The following LAMC1 variants were observed in gnomAD, a reference collection of about 807,000 sequenced individuals.
The protein encoded by LAMC1 is laminin subunit gamma-1.
Under a neutral mutation model 173.6 loss-of-function variants are expected in LAMC1, and 38 were observed. That is an observed-to-expected ratio of 0.22 (90% confidence interval 0.17 to 0.29). The LOEUF (loss-of-function observed/expected upper bound fraction) is 0.29, where lower values mean the gene tolerates loss of function less well. Ranked by LOEUF, LAMC1 falls within the 10% of genes least tolerant of loss-of-function variation. LAMC1 has a pLI of 1.00. For missense variants in LAMC1, 1,824 were observed against 2,051.8 expected (o/e 0.89, Z 2.14); for synonymous variants, 746 against 749.1 (o/e 1.00, Z 0.07).
At position 183,124,697 on chromosome 1, in the gene LAMC1, G is replaced by T; in HGVS notation, c.2468G>T (p.Arg823Ile). Residue 823 changes from arginine (R) to isoleucine (I), a missense_variant, in exon 14 of 28, where the codon AGA becomes ATA. Arg to Ile is a moderately conservative substitution (Grantham distance 97). Coordinates refer to ENST00000258341, the MANE Select transcript of LAMC1 (RefSeq NM_002293.4). Reference sequence around the variant, plus strand: ...CCCCTGGGTAGAAACGGCCCTGTGAGACTTTGCCGCCTGTGCCAGTGCAGT... The same window carrying T: ...CCCCTGGGTAGAAACGGCCCTGTGATACTTTGCCGCCTGTGCCAGTGCAGT... The part of the protein sequence containing the change: ...GDPLGRNGPV[R>I]LCRLCQCSDN... 1 of 1,614,240 alleles carries T rather than the reference G, an allele frequency of 6.2e-7. No individual in the cohort carries two copies. The highest frequency in any genetic ancestry group is 8.5e-7 in the Non-Finnish European group (1 of 1,180,050).
At position 183,054,895 on chromosome 1, in the gene LAMC1, C is replaced by T. The variant is rs1478211114; in HGVS notation, c.418+30761C>T. ...GAGCAGGCCAGGAAGCCAGTGGTTC[C>T]TCATGGTATCAGGATTCCTTGTTCT... On this transcript the variant is annotated intron_variant, in intron 1 of 27. Transcript: ENST00000258341. Among the ~76,000 whole-genome samples, 3 of 152,100 alleles carry T rather than the reference C, an allele frequency of 2.0e-5. No homozygotes were observed. In the East Asian group the frequency reaches 5.8e-4, roughly 29 times the overall value.
intron 1 of LAMC1, among the ~76,000 whole-genome samples, chr1:183,030,322 G>GT (rs896104677): frequency 1.3e-5 from 2 of 152,294 alleles, no homozygotes; most frequent in Admixed American, 1.3e-4. Context: ...ATGTTATATA[G>GT]TAAGTCCTAA....
intron 16 of LAMC1, 24 bp downstream of exon 16, chr1:183,126,286 A>G (rs1251226832): frequency 3.7e-6 from 6 of 1,607,064 alleles, no homozygotes; most frequent in Non-Finnish European, 3.4e-6. Context: ...GTGGCATACA[A>G]CTCTAAGCTT....
intron 2 of LAMC1, among the ~76,000 whole-genome samples, chr1:183,104,797 CT>C (rs1356105834): frequency 6.6e-6 from 1 of 152,144 alleles, no homozygotes; most frequent in Non-Finnish European, 1.5e-5. Flanking sequence ...TGTTGGTAAA[CT>C]CTGAGGTTAT....
At chr1:183,075,273 C>T (rs149135227) in intron 1 of LAMC1, among the ~76,000 whole-genome samples, 60 of 151,980 alleles carry the variant, frequency 3.9e-4, no homozygotes, top group African/African-American at 1.4e-3. Context: ...TGCTGGTGTG[C>T]GCCACCACAC....
At chr1:183,024,156 C>G (rs1324362382) in intron 1 of LAMC1, 22 bp downstream of exon 1, 5 of 1,525,882 alleles carry the variant, frequency 3.3e-6, no homozygotes, top group South Asian at 2.5e-5. Flanking sequence ...CAGCCCCGTC[C>G]CCTGCTACTG....
Position 183,143,975 on chromosome 1 carries a change from A to G in LAMC1, c.*1185A>G, listed in dbSNP as rs958088895. The G allele has an allele frequency of 2.0e-5, 3 of 152,288 alleles. No homozygotes were observed. The highest frequency in any genetic ancestry group is 1.3e-4 in the Admixed American group (2 of 15,272). The allele number at this position is 152,288 out of a possible 1,614,324, so 9.4% of individuals were successfully genotyped here. A position where few individuals can be genotyped will look rare whatever the true frequency, so the allele number is the denominator to read the frequency against. ...CACTCAGTATTTCACACAGCTGCCA[A>G]CGCTATCGAGTTCCTGCACTTTGTG... On this transcript the variant is annotated 3_prime_UTR_variant, in exon 28 of 28. Coordinates refer to ENST00000258341, the MANE Select transcript of LAMC1 (RefSeq NM_002293.4).
chr1:183,116,817 C>T lies in LAMC1; in HGVS notation c.1478C>T (p.Thr493Ile), dbSNP rs1248796606. ...GAATCATCTAATCCTCGGGGTTGCA[C>T]ACCCTGCTTCTGCTTTGGGCATTCT... ...NLESSNPRGC[T>I]PCFCFGHSSV... is the part of the protein sequence containing the mutation. The change falls in exon 8 of 28, where the codon ACA becomes ATA. Residue 493 changes from threonine to isoleucine, a missense_variant. Transcript: ENST00000258341. 7.4e-6 allele frequency: 12 copies of T among 1,613,872 alleles called. No individual in the cohort carries two copies. The South Asian group carries it at 1.2e-4, about 16-fold the overall frequency.
At chr1:183,124,069 G>A (rs554608428) in intron 13 of LAMC1, among the ~76,000 whole-genome samples, 12 of 152,284 alleles carry the variant, frequency 7.9e-5, no homozygotes, top group Middle Eastern at 3.4e-3. Context: ...TATCCTCTCT[G>A]TTCTCTGAGC....
intron 1 of LAMC1, among the ~76,000 whole-genome samples, chr1:183,030,638 A>T (rs570282518): frequency 3.3e-4 from 51 of 152,258 alleles, no homozygotes; most frequent in African/African-American, 7.2e-4. Context: ...TAAATTTTTT[A>T]AAAAAGTACT....
intron 20 of LAMC1, 96 bp downstream of exon 20, chr1:183,131,474 A>G (rs1656790747): frequency 1.1e-5 from 5 of 439,500 alleles, no homozygotes; most frequent in South Asian, 9.8e-5. Flanking sequence ...GTCTTATCCC[A>G]TAACCCATAA....
At chr1:183,091,514 C>G (rs1655565628) in intron 1 of LAMC1, among the ~76,000 whole-genome samples, 1 of 152,130 alleles carries the variant, frequency 6.6e-6, no homozygotes, top group African/African-American at 2.4e-5. Context: ...TCCTTCCCCT[C>G]CCTCTCTAAT....
intron 1 of LAMC1, among the ~76,000 whole-genome samples, chr1:183,030,877 T>C (rs1653832005): frequency 1.3e-5 from 2 of 152,138 alleles, no homozygotes; most frequent in African/African-American, 2.4e-5. Flanking sequence ...TTCAGCTACT[T>C]GGGAGGCTGA....
At chr1:183,106,432 T>C (rs1655980517) in intron 2 of LAMC1, among the ~76,000 whole-genome samples, 1 of 152,222 alleles carries the variant, frequency 6.6e-6, no homozygotes, top group Admixed American at 6.5e-5. Flanking sequence ...ACTTGAAGGC[T>C]TTGTGGAGAT....
chr1:183,042,808 C>A (rs1654171770), intron 1 of LAMC1, among the ~76,000 whole-genome samples: 2 of 152,126 alleles, frequency 1.3e-5, no homozygotes, highest in Non-Finnish European at 2.9e-5. Flanking sequence ...CACCCCCAGC[C>A]CTCTCCTGGC....
At chr1:183,102,175 CAG>C (rs941890978) in intron 1 of LAMC1, among the ~76,000 whole-genome samples, 1 of 152,126 alleles carries the variant, frequency 6.6e-6, no homozygotes, top group African/African-American at 2.4e-5. Context: ...CCTTGTCTCT[CAG>C]GGACTAGTGG....
chr1:183,106,792 CT>C (rs1655988322), intron 2 of LAMC1, among the ~76,000 whole-genome samples: 1 of 152,162 alleles, frequency 6.6e-6, no homozygotes, highest in Non-Finnish European at 1.5e-5. Context: ...TCCCTGTGGT[CT>C]TTTATCATCA....
intron 11 of LAMC1, among the ~76,000 whole-genome samples, chr1:183,119,417 G>A (rs552465235): frequency 3.3e-5 from 5 of 152,204 alleles, no homozygotes; most frequent in Admixed American, 6.5e-5. Flanking sequence ...TAGGACTAGC[G>A]ATCCAGATTT....
At chr1:183,038,569 GAA>G (rs1403569449) in intron 1 of LAMC1, among the ~76,000 whole-genome samples, 1 of 152,054 alleles carries the variant, frequency 6.6e-6, no homozygotes, top group Non-Finnish European at 1.5e-5. Flanking sequence ...TGATTTCCAA[GAA>G]AAGAGTTTTG....
Sources: allele counts gnomAD v4.1 joint callset (sites outside exome capture counted in the v4.1 genomes callset), GRCh38; gene constraint gnomAD v4.1.1; transcripts MANE v1.5; gene names NCBI Gene and HGNC (gene_info 2026-07-23, HGNC 2026-07-21).